Variants in CACNA2D4 observed in about 807,000 individuals in gnomAD.
The protein encoded by CACNA2D4 is calcium voltage-gated channel auxiliary subunit alpha2delta 4.
CACNA2D4 carries 157 observed loss-of-function variants against 163.8 expected under a neutral mutation model. That is an observed-to-expected ratio of 0.96 (90% confidence interval 0.84 to 1.09). The LOEUF (loss-of-function observed/expected upper bound fraction) is 1.09. CACNA2D4 is among the 50% of genes least tolerant of loss of function. The pLI is 0.00. For missense variants in CACNA2D4, 1,410 were observed against 1,479.9 expected (o/e 0.95, Z 0.78); for synonymous variants, 598 against 586.9 (o/e 1.02, Z -0.27).
chr12:1,856,150 C>T (rs140052170), intron 21 of CACNA2D4, 34 bp downstream of exon 21: 15 of 1,613,914 alleles, frequency 9.3e-6, no homozygotes, highest in Non-Finnish European at 1.3e-5. Context: ...AAACATTCCA[C>T]CTGTCTCCCT....
intron 18 of CACNA2D4, among the ~76,000 whole-genome samples, chr12:1,870,765 AG>A (rs780749514): frequency 6.6e-6 from 1 of 151,740 alleles, no homozygotes; most frequent in South Asian, 2.1e-4. Context: ...GGGGGTTGGG[AG>A]GGGGTCTGTG....
chr12:1,856,307 C>T, intron 20 of CACNA2D4, 78 bp from the exon 21 acceptor site: 1 of 1,487,818 alleles, frequency 6.7e-7, no homozygotes, highest in South Asian at 1.1e-5. Context: ...GAAACAGCCA[C>T]CCAGTGAGTT....
At chr12:1,886,396 C>T (rs761070131) in intron 7 of CACNA2D4, 23 bp from the exon 8 acceptor site, 1 of 1,607,950 alleles carries the variant, frequency 6.2e-7, no homozygotes. Context: ...AGGGACATGC[C>T]CAAGATGGGA....
chr12:1,842,074 G>A (rs1447709720), intron 25 of CACNA2D4, among the ~76,000 whole-genome samples: 1 of 152,234 alleles, frequency 6.6e-6, no homozygotes, highest in Non-Finnish European at 1.5e-5. Flanking sequence ...CCAGCCAGCA[G>A]AGGCTTGTAG....
chr12:1,840,924 G>T (rs1865009178), intron 25 of CACNA2D4, 105 bp from the exon 26 acceptor site: 1 of 998,392 alleles, frequency 1.0e-6, no homozygotes, highest in Non-Finnish European at 1.6e-6. Context: ...GCAGGCGAAG[G>T]CATCCTTGGA....
At chr12:1,896,030 C>A (rs1190965840) in intron 6 of CACNA2D4, among the ~76,000 whole-genome samples, 1 of 152,092 alleles carries the variant, frequency 6.6e-6, no homozygotes, top group African/African-American at 2.4e-5. Context: ...AATTGGATTT[C>A]CATATGCAGA....
chr12:1,877,520 G>A (rs1382412674), intron 16 of CACNA2D4, among the ~76,000 whole-genome samples: 1 of 152,202 alleles, frequency 6.6e-6, no homozygotes, highest in Non-Finnish European at 1.5e-5. Context: ...TTGCCTTGCA[G>A]ATATTCAGTG....
Position 1,874,685 on chromosome 12 carries a change from GA to G in CACNA2D4, c.1807-11del, listed in dbSNP as rs778093808. 2 of 1,599,674 alleles carry G rather than the reference GA, an allele frequency of 1.3e-6. No individual in the cohort carries two copies. Among genetic ancestry groups the G allele is most frequent in the African/African-American group, 2.7e-5 (2 of 74,608 alleles). ...TCATGGCTGTTCTCAGCTTCAGGAG[GA>G]AAGACAATGGCATTAGTTCCTTGGC... On this transcript the variant is annotated splice_polypyrimidine_tract_variant and intron_variant, in intron 17 of 37. Transcript: ENST00000382722. The surrounding 1 kb of genome is among the most constrained non-coding windows in gnomAD (Gnocchi z 4.4).
chr12:1,793,548 C>T lies in CACNA2D4; in HGVS notation c.*107G>A. ...AGCCCAGGATTGAGAGGAGCGTTGG[C>T]CTGGGGGCGACCCAACTGCAGTTAG... On this transcript the variant is annotated 3_prime_UTR_variant, in exon 38 of 38. Coordinates refer to ENST00000382722, the MANE Select transcript of CACNA2D4 (RefSeq NM_172364.5). 1.1e-6 allele frequency: 1 copy of T among 941,208 alleles called. No homozygotes were observed. 58.3% of individuals were successfully genotyped at this position (941,208 alleles called of 1,614,324 possible).
At position 1,820,934 on chromosome 12, in the gene CACNA2D4, A is replaced by C. The variant is rs1353713774; in HGVS notation, c.2552-9211T>G. 1 of 152,156 alleles carries C rather than the reference A, an allele frequency of 6.6e-6. No individual in the cohort carries two copies. Among genetic ancestry groups the C allele is most frequent in the African/African-American group, 2.4e-5 (1 of 41,396 alleles). 9.4% of individuals were successfully genotyped at this position (152,156 alleles called of 1,614,324 possible). A position where few individuals can be genotyped will look rare whatever the true frequency, so the allele number is the denominator to read the frequency against. ...GCAGGAATAGCTGCAGTTGCTTCCT[A>C]CCTGCAGGCAATTGCTGGGGCCGAA... is the stretch of plus-strand genomic sequence containing the variant. On this transcript the variant is annotated intron_variant, in intron 26 of 37. Coordinates refer to ENST00000382722, the MANE Select transcript of CACNA2D4 (RefSeq NM_172364.5). The surrounding 1 kb of genome is among the most constrained non-coding windows in gnomAD (Gnocchi z 6.0).
rs777950940 is a variant in CACNA2D4 at position 1,878,462 on chromosome 12, G to A, written c.1645-73C>T. 5.2e-6 allele frequency: 8 copies of A among 1,552,232 alleles called. No individual in the cohort carries two copies. In the South Asian group the frequency reaches 9.5e-5, roughly 18 times the overall value. On this transcript the variant is annotated intron_variant, in intron 15 of 37. Transcript: ENST00000382722. The surrounding 1 kb of genome is among the most constrained non-coding windows in gnomAD (Gnocchi z 4.6). ...GGCATCTGGAGTTGGGCAGGGGTTT[G>A]GGGGCCACAGGACGGTCAAAGATGG...
At chr12:1,812,962 A>G (rs1863758809) in intron 26 of CACNA2D4, among the ~76,000 whole-genome samples, 1 of 152,158 alleles carries the variant, frequency 6.6e-6, no homozygotes, top group South Asian at 2.1e-4. Flanking sequence ...TGGCACAGAG[A>G]TACAGGATTG....
chr12:1,862,347 C>T (rs1023056469), intron 18 of CACNA2D4, among the ~76,000 whole-genome samples: 6 of 152,184 alleles, frequency 3.9e-5, no homozygotes, highest in Non-Finnish European at 8.8e-5. Flanking sequence ...TCTGAGAGTT[C>T]CAATTTCTCC....
intron 37 of CACNA2D4, among the ~76,000 whole-genome samples, chr12:1,794,620 T>C (rs748605392): frequency 2.6e-5 from 4 of 152,142 alleles, no homozygotes; most frequent in African/African-American, 4.8e-5. Context: ...AGGAAGGTGC[T>C]TCCCTCACCA....
intron 35 of CACNA2D4, 23 bp from the exon 36 acceptor site, chr12:1,795,803 A>G (rs1380574812): frequency 6.8e-7 from 1 of 1,474,284 alleles, no homozygotes; most frequent in Middle Eastern, 1.7e-4. Flanking sequence ...AAGGGAGTCG[A>G]GGATGGCTCC....
chr12:1,818,119 G>A (rs1252110866), intron 26 of CACNA2D4, among the ~76,000 whole-genome samples: 21 of 146,332 alleles, frequency 1.4e-4, no homozygotes, highest in Non-Finnish European at 2.6e-4. Context: ...TGTGAGGAGC[G>A]TCTCTTCCCG....
At chr12:1,908,123 G>A (rs1866712375) in intron 4 of CACNA2D4, 86 bp from the exon 5 acceptor site, 2 of 1,390,974 alleles carry the variant, frequency 1.4e-6, no homozygotes, top group Non-Finnish European at 2.0e-6. Context: ...CAGGTGAGAG[G>A]ACGAGAGGGC....
chr12:1,913,687 C>G (rs1320804029), intron 2 of CACNA2D4, among the ~76,000 whole-genome samples: 4 of 152,244 alleles, frequency 2.6e-5, no homozygotes, highest in Non-Finnish European at 5.9e-5. Context: ...TGACAATTGC[C>G]AGTGAGCCCA....
chr12:1,910,964 C>G (rs1444369038), intron 3 of CACNA2D4, among the ~76,000 whole-genome samples: 1 of 151,262 alleles, frequency 6.6e-6, no homozygotes, highest in Non-Finnish European at 1.5e-5. Context: ...CTTAATGCCA[C>G]TAAATTATAC....
Sources: allele counts gnomAD v4.1 joint callset (sites outside exome capture counted in the v4.1 genomes callset), GRCh38; gene constraint gnomAD v4.1.1; non-coding constraint Gnocchi (gnomAD v3.1); transcripts MANE v1.5; gene names NCBI Gene and HGNC (gene_info 2026-07-23, HGNC 2026-07-21).